SIDT1: variants seen among roughly 807,000 people sequenced by gnomAD.
SIDT1 encodes the protein SID1 transmembrane family, member 1.
A neutral mutation model predicts 107.5 loss-of-function variants in SIDT1; 101 were observed. That is an observed-to-expected ratio of 0.94 (90% confidence interval 0.80 to 1.11). The LOEUF (loss-of-function observed/expected upper bound fraction) is 1.11, where lower values mean the gene tolerates loss of function less well. SIDT1 is among the 50% of genes least tolerant of loss of function. The pLI, the probability that SIDT1 is intolerant of heterozygous loss-of-function variation, is 0.00. For missense variants in SIDT1, 1,076 were observed against 1,058.2 expected, an observed-to-expected ratio of 1.02 and a Z score of -0.23; for synonymous variants, 395 against 398.2, an observed-to-expected ratio of 0.99 and a Z score of 0.10.
chr3:113,566,935 G>A (rs1941971156), intron 2 of SIDT1, among the ~76,000 whole-genome samples: 1 of 152,102 alleles, frequency 6.6e-6, no homozygotes, highest in Non-Finnish European at 1.5e-5. Context: ...TATTTATTGA[G>A]CCCTATTAAG....
rs536802798 is a variant in SIDT1 at position 113,556,869 on chromosome 3, G to T, written c.223-9551G>T. On this transcript the variant is annotated intron_variant, in intron 1 of 24. Transcript: ENST00000264852. ...GAGTCTGGCTCTGTCACCCAGGCTG[G>T]AGTGCAGTGGCAGGATCTCGCCTCA... Among the ~76,000 whole-genome samples the T allele has an allele frequency of 3.1e-4, 38 of 124,400 alleles. No individual in the cohort carries two copies. The South Asian group carries it at 6.6e-3, about 22-fold the overall frequency. The allele number at this position is 124,400 out of a possible 152,430, so 81.6% of individuals were successfully genotyped here.
At chr3:113,548,743 C>T (rs1407816447) in intron 1 of SIDT1, among the ~76,000 whole-genome samples, 1 of 152,160 alleles carries the variant, frequency 6.6e-6, no homozygotes, top group Non-Finnish European at 1.5e-5. Context: ...TTCCTGGCCA[C>T]TTCTCCCTGC....
intron 1 of SIDT1, among the ~76,000 whole-genome samples, chr3:113,533,956 C>A (rs1425717205): frequency 6.6e-6 from 1 of 152,152 alleles, no homozygotes; most frequent in Non-Finnish European, 1.5e-5. Context: ...GAAAAATGTT[C>A]CAGTGACTAT....
chr3:113,577,036 A>T, intron 4 of SIDT1, 69 bp downstream of exon 4: 2 of 1,448,034 alleles, frequency 1.4e-6, no homozygotes, highest in Non-Finnish European at 1.9e-6. Flanking sequence ...TAGTGAAACC[A>T]TGTTACCCTG....
rs796614009 is a variant in SIDT1, at chr3:113,569,660, A to C, written c.515+1950A>C. On this transcript the variant is annotated intron_variant, in intron 3 of 24. Transcript: ENST00000264852. Reference sequence around the variant, plus strand: ...ACAGCATTTTTTCTCAAGTCCCTCCATTAATCCTGGTGTTGAAAAAGGTGA... The same window carrying C: ...ACAGCATTTTTTCTCAAGTCCCTCCCTTAATCCTGGTGTTGAAAAAGGTGA... Among the ~76,000 whole-genome samples, 207 of 152,338 alleles carry C rather than the reference A, an allele frequency of 1.4e-3. 2 individuals carry two copies. The highest frequency in any genetic ancestry group is 4.8e-3 in the African/African-American group (201 of 41,568).
chr3:113,611,910 C>G (rs1945774503), intron 18 of SIDT1, among the ~76,000 whole-genome samples, 176 bp from the exon 19 acceptor site: 1 of 146,856 alleles, frequency 6.8e-6, no homozygotes, highest in Non-Finnish European at 1.5e-5. Flanking sequence ...GCCCAGTAGC[C>G]TTTTTTTTTT....
Position 113,581,692 on chromosome 3 carries a change from G to T in SIDT1, c.747+248G>T, listed in dbSNP as rs538076218. The T allele has an allele frequency of 1.4e-4, 62 of 429,528 alleles. 1 individual carries two copies. The South Asian group carries it at 1.6e-3, about 11-fold the overall frequency. 26.6% of individuals were successfully genotyped at this position (429,528 alleles called of 1,614,324 possible). On this transcript the variant is annotated intron_variant, in intron 6 of 24. Transcript: ENST00000264852. The stretch of plus-strand genomic sequence containing the variant: ...GTTTGAGACCAGCCTGGCCAATATG[G>T]CAAAACCCTGTCTCCACTAAAAATA...
At chr3:113,623,879 A>G (rs1946657383) in intron 23 of SIDT1, 146 bp downstream of exon 23, 2 of 627,200 alleles carry the variant, frequency 3.2e-6, no homozygotes, top group Non-Finnish European at 5.6e-6. Flanking sequence ...GCCGCACACA[A>G]ATGCACAATA....
intron 21 of SIDT1, among the ~76,000 whole-genome samples, chr3:113,622,186 C>T (rs545664202): frequency 3.3e-5 from 5 of 152,032 alleles, no homozygotes; most frequent in African/African-American, 4.8e-5. Context: ...TATTTCAGGC[C>T]GGGCGCGGTG....
intron 10 of SIDT1, among the ~76,000 whole-genome samples, chr3:113,597,224 C>T (rs551679962): frequency 2.6e-5 from 4 of 152,242 alleles, no homozygotes; most frequent in Admixed American, 6.5e-5. Context: ...TGGCTGGGCA[C>T]GATGGCTCAC....
At chr3:113,625,656 G>C (rs925675189) in intron 23 of SIDT1, among the ~76,000 whole-genome samples, 3 of 152,128 alleles carry the variant, frequency 2.0e-5, no homozygotes, top group Admixed American at 2.0e-4. Context: ...CAATGATGTT[G>C]AGCACCTTTT....
intron 9 of SIDT1, among the ~76,000 whole-genome samples, chr3:113,588,005 G>A (rs951678799): frequency 6.6e-6 from 1 of 152,192 alleles, no homozygotes. Context: ...TGTTATGCCT[G>A]TCATAGGAAG....
intron 1 of SIDT1, among the ~76,000 whole-genome samples, chr3:113,562,515 G>T (rs953262371): frequency 1.3e-5 from 2 of 152,208 alleles, no homozygotes; most frequent in Non-Finnish European, 2.9e-5. Context: ...GTATGTGCAT[G>T]CAATGTAATA....
chr3:113,597,465 C>T (rs1203744260), intron 10 of SIDT1, among the ~76,000 whole-genome samples: 1 of 144,750 alleles, frequency 6.9e-6, no homozygotes, highest in Non-Finnish European at 1.5e-5. Context: ...CCACTGCACT[C>T]CAGCCTGGCG....
chr3:113,577,933 C>A (rs982911465), intron 4 of SIDT1, among the ~76,000 whole-genome samples: 4 of 152,164 alleles, frequency 2.6e-5, no homozygotes, highest in African/African-American at 9.7e-5. Flanking sequence ...TGTGATGTCA[C>A]TGAACAGCTG....
At chr3:113,551,474 A>G (rs1370490015) in intron 1 of SIDT1, among the ~76,000 whole-genome samples, 2 of 152,260 alleles carry the variant, frequency 1.3e-5, no homozygotes, top group Non-Finnish European at 2.9e-5. Flanking sequence ...TCCTCAAGAT[A>G]GTTGTACTAA....
chr3:113,596,685 G>A (rs2107628759), intron 10 of SIDT1, among the ~76,000 whole-genome samples: 1 of 152,262 alleles, frequency 6.6e-6, no homozygotes, highest in Non-Finnish European at 1.5e-5. Flanking sequence ...CTTTATCAGA[G>A]AGAAACCCCA....
chr3:113,580,327 C>A (rs562941579), intron 4 of SIDT1, among the ~76,000 whole-genome samples: 3 of 152,232 alleles, frequency 2.0e-5, no homozygotes, highest in African/African-American at 7.2e-5. Context: ...TAAAGTATAG[C>A]AAAGTTTAGT....
intron 10 of SIDT1, among the ~76,000 whole-genome samples, chr3:113,594,105 G>A (rs541932420): frequency 6.6e-6 from 1 of 152,254 alleles, no homozygotes; most frequent in South Asian, 2.1e-4. Flanking sequence ...CTTAAATGAG[G>A]CCACAGAATC....
Sources: allele counts gnomAD v4.1 joint callset (sites outside exome capture counted in the v4.1 genomes callset), GRCh38; gene constraint gnomAD v4.1.1; transcripts MANE v1.5; gene names NCBI Gene and HGNC (gene_info 2026-07-23, HGNC 2026-07-21).